PI4KA: variants seen among roughly 807,000 people sequenced by gnomAD.
PI4KA encodes the protein phosphatidylinositol 4-kinase alpha.
In PI4KA, 122 loss-of-function variants were observed where a neutral mutation model predicts 271.4. The ratio of observed to expected loss-of-function variants is 0.45; its 90% CI spans 0.39 to 0.52. The LOEUF is 0.52. Among genes scored for constraint, PI4KA ranks in the 20% least tolerant of loss-of-function variants. PI4KA has a pLI of 0.00. For synonymous variants in PI4KA, 1,041 were observed against 1,078.8 expected, an observed-to-expected ratio of 0.96 and a Z score of 0.69; for missense variants, 1,969 against 2,769.1, an observed-to-expected ratio of 0.71 and a Z score of 6.48.
Position 20,734,478 on chromosome 22 carries a change from C to T in PI4KA, c.3817G>A (p.Glu1273Lys). Residue 1273 changes from glutamate to lysine, a missense_variant, in exon 33 of 55, where the codon GAA (glutamate) becomes AAA (lysine). Glu to Lys is a moderately conservative substitution (Grantham distance 56). Around this residue, in one of 13 missense-constraint regions of PI4KA, gnomAD observed 203 missense variants for 256.8 expected, o/e 0.79. Transcript: ENST00000255882. ...TCCGAGGCAGCCAGGGGGTCTGCTT[C>T]CTTTATCTCAGCAGAAAACAGGCCA... Reference protein sequence around the residue: ...KFGLFSAEIKEADPLAASEAS... With the variant: ...KFGLFSAEIKKADPLAASEAS... 1 of 1,613,742 alleles carries T rather than the reference C, an allele frequency of 6.2e-7. No homozygotes were observed. Among genetic ancestry groups the T allele is most frequent in the Non-Finnish European group, 8.5e-7 (1 of 1,179,834 alleles).
Position 20,804,290 on chromosome 22 carries a change from G to A in PI4KA, c.1461+10C>T. 4 of 1,589,124 alleles carry A rather than the reference G, an allele frequency of 2.5e-6. No homozygotes were observed. Among genetic ancestry groups the A allele is most frequent in the Non-Finnish European group, 3.5e-6 (4 of 1,157,136 alleles). ...GGGATCTGAGCCTCTCTGGGTTCAG[G>A]GAGACTGACCTGCAGACAGCAGATC... is the stretch of plus-strand genomic sequence containing the variant. On this transcript the variant is annotated intron_variant, in intron 12 of 54. Transcript: ENST00000255882.
At position 20,796,164 on chromosome 22, in the gene PI4KA, C is replaced by T. The variant is rs755304551; in HGVS notation, c.2259G>A (p.Glu753=). The T allele has an allele frequency of 2.5e-6, 4 of 1,613,590 alleles. No homozygotes were observed. The highest frequency in any genetic ancestry group is 1.3e-5 in the African/African-American group (1 of 75,036). The change falls in exon 18 of 55, where the codon GAG becomes GAA. Residue 753 remains glutamate, a synonymous_variant. Coordinates refer to ENST00000255882, the MANE Select transcript of PI4KA (RefSeq NM_058004.4). ...EGKRASERAS[E]KGPALKASSS... ...TTCCTACCTTTAGGGCAGGGCCCTT[C>T]TCGCTTGCCCTCTCGCTGGCTCGCT...
chr22:20,732,788 G>A (rs1928230990), intron 36 of PI4KA, among the ~76,000 whole-genome samples, 183 bp downstream of exon 36: 1 of 152,184 alleles, frequency 6.6e-6, no homozygotes, highest in South Asian at 2.1e-4. Context: ...TCTCAGCTCA[G>A]GCCAGAGGAG....
chr22:20,845,700 A>C (rs1926141929), intron 1 of PI4KA, among the ~76,000 whole-genome samples: 1 of 152,184 alleles, frequency 6.6e-6, no homozygotes, highest in South Asian at 2.1e-4. Flanking sequence ...TCAGAGTTTC[A>C]TTAGAGATGC....
chr22:20,707,916 G>T lies in PI4KA; in HGVS notation c.*131C>A, dbSNP rs1414519926. The T allele has an allele frequency of 5.9e-6, 5 of 844,238 alleles. No individual in the cohort carries two copies. The East Asian group carries it at 9.7e-5, about 16-fold the overall frequency. The allele number at this position is 844,238 out of a possible 1,614,324, so 52.3% of individuals were successfully genotyped here. On this transcript the variant is annotated 3_prime_UTR_variant, in exon 55 of 55. Coordinates refer to ENST00000255882, the MANE Select transcript of PI4KA (RefSeq NM_058004.4). ...CCACCCACGTGCTGCCCCAGGAGGCGCTACCAGGTTCTTTGGGCCACAGGC... is the reference window on the plus strand; with the variant it reads ...CCACCCACGTGCTGCCCCAGGAGGCTCTACCAGGTTCTTTGGGCCACAGGC...
intron 1 of PI4KA, among the ~76,000 whole-genome samples, chr22:20,850,628 G>A (rs907547910): frequency 2.0e-5 from 3 of 151,638 alleles, no homozygotes; most frequent in African/African-American, 7.3e-5. Flanking sequence ...TAGTAGAGAC[G>A]GGGTTTCACC....
chr22:20,835,775 G>A (rs1410659828), intron 2 of PI4KA, among the ~76,000 whole-genome samples: 1 of 150,548 alleles, frequency 6.6e-6, no homozygotes, highest in Non-Finnish European at 1.5e-5. Context: ...GTGGCCGGGT[G>A]CGGTGGCTCA....
At chr22:20,819,535 T>C in intron 6 of PI4KA, 106 bp downstream of exon 6, 1 of 1,044,656 alleles carries the variant, frequency 9.6e-7, no homozygotes, top group Non-Finnish European at 1.4e-6. Context: ...GTGAAACATT[T>C]CACGTTACTT....
In PI4KA at chr22:20,838,745, C is replaced by A. The variant is rs974737237; in HGVS notation, c.157-14G>T. ...AAGCTTTTGGACCTAGAAAATGAGA[C>A]CCCCCCAAAAACAGCTCTACAAAAT... On this transcript the variant is annotated splice_polypyrimidine_tract_variant and intron_variant, in intron 1 of 54. Transcript: ENST00000255882. 2 of 1,485,142 alleles carry A rather than the reference C, an allele frequency of 1.3e-6. No homozygotes were observed. The highest frequency in any genetic ancestry group is 1.1e-5 in the South Asian group (1 of 87,206). The allele number at this position is 1,485,142 out of a possible 1,614,324, so 92.0% of individuals were successfully genotyped here.
intron 4 of PI4KA, 69 bp from the exon 5 acceptor site, chr22:20,820,680 C>A: frequency 9.1e-7 from 1 of 1,104,824 alleles, no homozygotes; most frequent in South Asian, 1.3e-5. Flanking sequence ...GAAACTAAGT[C>A]AGAATTAGAA....
chr22:20,719,962 C>T (rs1568951960), intron 43 of PI4KA, among the ~76,000 whole-genome samples: 1 of 136,976 alleles, frequency 7.3e-6, no homozygotes, highest in Admixed American at 8.2e-5. Context: ...GGAGGCGGAG[C>T]TTGCAGTGAG....
intron 19 of PI4KA, 48 bp from the exon 20 acceptor site, chr22:20,765,741 A>C (rs1264203227): frequency 8.1e-7 from 1 of 1,233,386 alleles, no homozygotes; most frequent in Non-Finnish European, 1.2e-6. Flanking sequence ...TGCTGAGGAA[A>C]CCCTAAGCCC....
chr22:20,723,124 C>T (rs867818996), intron 42 of PI4KA, among the ~76,000 whole-genome samples: 8 of 151,614 alleles, frequency 5.3e-5, no homozygotes, highest in African/African-American at 1.7e-4. Context: ...GGGTTCACGC[C>T]ATTCTCCTGC....
chr22:20,848,594 T>TC (rs1302493722), intron 1 of PI4KA, among the ~76,000 whole-genome samples: 6 of 152,166 alleles, frequency 3.9e-5, no homozygotes, highest in African/African-American at 1.2e-4. Flanking sequence ...AAAAGAATAG[T>TC]CTTTCCAAGA....
intron 3 of PI4KA, among the ~76,000 whole-genome samples, chr22:20,824,789 G>A (rs1017396924): frequency 6.2e-5 from 9 of 145,426 alleles, no homozygotes; most frequent in African/African-American, 1.8e-4. Flanking sequence ...CAAAACACTC[G>A]GCTGGGCGAA....
At chr22:20,848,240 A>G (rs165601) in intron 1 of PI4KA, among the ~76,000 whole-genome samples, 36,410 of 139,420 alleles carry the variant, frequency 0.26, 1,468 homozygotes, top group East Asian at 0.34. Flanking sequence ...TCCATCTCAA[A>G]AAAAAAAAAA....
At position 20,801,969 on chromosome 22, in the gene PI4KA, C is replaced by T. The variant is rs371624565; in HGVS notation, c.1724+4G>A. On this transcript the variant is annotated splice_donor_region_variant and intron_variant, in intron 14 of 54. Coordinates refer to ENST00000255882, the MANE Select transcript of PI4KA (RefSeq NM_058004.4). Reference sequence around the variant, plus strand: ...GTCTACTCGCCACTTGCCCAGCTTCCCACCTGCAGATGTTGTCAATAGCGA... The same window carrying T: ...GTCTACTCGCCACTTGCCCAGCTTCTCACCTGCAGATGTTGTCAATAGCGA... 1.2e-6 allele frequency: 2 copies of T among 1,613,792 alleles called. No individual in the cohort carries two copies. Among genetic ancestry groups the T allele is most frequent in the Non-Finnish European group, 1.7e-6 (2 of 1,179,864 alleles).
chr22:20,795,845 G>T (rs965189730), intron 18 of PI4KA, among the ~76,000 whole-genome samples: 1 of 152,136 alleles, frequency 6.6e-6, no homozygotes, highest in Non-Finnish European at 1.5e-5. Flanking sequence ...CATGATAAAG[G>T]CAAGGACAGA....
intron 19 of PI4KA, among the ~76,000 whole-genome samples, chr22:20,767,398 G>A (rs921154428): frequency 2.0e-5 from 3 of 151,828 alleles, no homozygotes; most frequent in African/African-American, 7.3e-5. Flanking sequence ...GAGCCAAGAT[G>A]GCGCTACTGC....
Sources: gnomAD v4.1 joint callset for allele counts (sites outside exome capture counted in the v4.1 genomes callset) on GRCh38, gnomAD v4.1.1 for gene constraint, gnomAD v4.1.1 regional missense constraint, MANE v1.5 for transcripts, NCBI Gene and HGNC (gene_info 2026-07-23, HGNC 2026-07-21) for gene names.